The following FAM221A variants were observed in gnomAD, a reference collection of about 807,000 sequenced individuals.
FAM221A encodes family with sequence similarity 221 member A.
In FAM221A, 43 loss-of-function variants were observed where a neutral mutation model predicts 37.6. The observed-to-expected ratio is 1.15, with a 90% confidence interval of 0.90 to 1.48. The LOEUF (loss-of-function observed/expected upper bound fraction) is 1.48, where lower values mean the gene tolerates loss of function less well. Among genes scored for constraint, FAM221A ranks in the 40% most tolerant of loss-of-function variants. FAM221A has a pLI of 0.00. For missense variants in FAM221A, 361 were observed against 361.5 expected (o/e 1.00, Z 0.01); for synonymous variants, 135 against 132.9 (o/e 1.02, Z -0.11).
intron 2 of FAM221A, 91 bp downstream of exon 2, chr7:23,684,763 T>C (rs751577548): frequency 7.4e-5 from 88 of 1,184,384 alleles, no homozygotes; most frequent in Non-Finnish European, 1.0e-4. Flanking sequence ...TTGAGAAACA[T>C]TTAACAATTG....
At chr7:23,699,974 A>G (rs1219708184) in intron 5 of FAM221A, among the ~76,000 whole-genome samples, 1 of 152,170 alleles carries the variant, frequency 6.6e-6, no homozygotes, top group Admixed American at 6.5e-5. Context: ...CCAGGGATAG[A>G]CCCAGAGTTT....
intron 4 of FAM221A, 41 bp downstream of exon 4, chr7:23,691,637 T>C (rs1784759507): frequency 6.5e-7 from 1 of 1,536,760 alleles, no homozygotes; most frequent in Admixed American, 1.7e-5. Context: ...TTGTATTGTT[T>C]TTATGTGTGC....
intron 2 of FAM221A, chr7:23,686,364 A>C (rs966249027): frequency 2.6e-6 from 1 of 384,736 alleles, no homozygotes; most frequent in Admixed American, 3.0e-5. Context: ...CCTGGGCTCA[A>C]GCGATCCTTC....
chr7:23,702,032 G>T (rs974791290), intron 6 of FAM221A, 64 bp from the exon 7 acceptor site: 1 of 1,147,432 alleles, frequency 8.7e-7, no homozygotes, highest in Non-Finnish European at 1.2e-6. Context: ...TGAGTTTTCT[G>T]CAAGTTTTTT....
chr7:23,684,182 G>C (rs558262698), intron 1 of FAM221A, among the ~76,000 whole-genome samples: 63 of 152,234 alleles, frequency 4.1e-4, no homozygotes, highest in African/African-American at 1.5e-3. Flanking sequence ...AGTCCCAAAC[G>C]GGTCCTTTAA....
In FAM221A at chr7:23,700,782, T is replaced by C; in HGVS notation, c.746-4T>C. On this transcript the variant is annotated splice_polypyrimidine_tract_variant and splice_region_variant and intron_variant, in intron 5 of 6. Transcript: ENST00000344962. Reference sequence around the variant, plus strand: ...ACATTACTTAGATTTTTTTTCCTTGTTAGTAGGTACAAGTAGTCAAGTTTC... The same window carrying C: ...ACATTACTTAGATTTTTTTTCCTTGCTAGTAGGTACAAGTAGTCAAGTTTC... The C allele has an allele frequency of 6.4e-7, 1 of 1,571,332 alleles. No individual in the cohort carries two copies. Among genetic ancestry groups the C allele is most frequent in the Non-Finnish European group, 8.6e-7 (1 of 1,158,704 alleles).
chr7:23,680,212 A>C lies in FAM221A; in HGVS notation c.-7A>C. 1 of 1,548,980 alleles carries C rather than the reference A, an allele frequency of 6.5e-7. No homozygotes were observed. Among genetic ancestry groups the C allele is most frequent in the Non-Finnish European group, 8.7e-7 (1 of 1,145,702 alleles). On this transcript the variant is annotated 5_prime_UTR_variant, in exon 1 of 7. Coordinates refer to ENST00000344962, the MANE Select transcript of FAM221A (RefSeq NM_199136.5). ...CCGCAGGGAAGCCTTTGGCTTCCCC[A>C]CCGGCAATGGAGCGGTTGACGTTGC... is the stretch of plus-strand genomic sequence containing the variant.
At position 23,700,768 on chromosome 7, in the gene FAM221A, A is replaced by AT. The variant is rs759665815; in HGVS notation, c.746-10dup. On this transcript the variant is annotated splice_polypyrimidine_tract_variant and intron_variant, in intron 5 of 6. Coordinates refer to ENST00000344962, the MANE Select transcript of FAM221A (RefSeq NM_199136.5). ...GTAATGATATAAATACATTACTTAG[A>AT]TTTTTTTTCCTTGTTAGTAGGTACA... 71 of 1,498,542 alleles carry AT rather than the reference A, an allele frequency of 4.7e-5. No individual in the cohort carries two copies. Among genetic ancestry groups the AT allele is most frequent in the East Asian group, 2.5e-4 (11 of 43,860 alleles). 92.8% of individuals were successfully genotyped at this position (1,498,542 alleles called of 1,614,324 possible).
chr7:23,688,639 CTTT>C (rs748780946), intron 2 of FAM221A: 7 of 141,024 alleles, frequency 5.0e-5, no homozygotes, highest in African/African-American at 2.6e-5. Flanking sequence ...TTTTTCTTTT[CTTT>C]TTTTTTTTTT....
intron 3 of FAM221A, among the ~76,000 whole-genome samples, chr7:23,689,683 T>C (rs1319446180): frequency 6.6e-6 from 1 of 152,232 alleles, no homozygotes; most frequent in Admixed American, 6.5e-5. Flanking sequence ...GTATGCTTGA[T>C]AATCATAAAC....
At chr7:23,699,748 C>A (rs935137932) in intron 5 of FAM221A, among the ~76,000 whole-genome samples, 10 of 151,690 alleles carry the variant, frequency 6.6e-5, no homozygotes, top group Middle Eastern at 6.8e-3. Context: ...TGCCATGTTG[C>A]CCAGGCTGGT....
intron 2 of FAM221A, chr7:23,688,175 G>C (rs1202231381): frequency 6.6e-6 from 1 of 152,208 alleles, no homozygotes; most frequent in South Asian, 2.1e-4. Flanking sequence ...CTCCCAAGTA[G>C]CTGGGACTAC....
rs59949135 is a variant in FAM221A, at chr7:23,682,439, A to ATT, written c.66-2050_66-2049dup. Reference sequence around the variant, plus strand: ...TATTATTATTATTATTATTATTATTATTTTTTTTTTTAGATAGAGTCTTGC... The same window carrying ATT: ...TATTATTATTATTATTATTATTATTATTTTTTTTTTTTTAGATAGAGTCTTGC... On this transcript the variant is annotated intron_variant, in intron 1 of 6. Coordinates refer to ENST00000344962, the MANE Select transcript of FAM221A (RefSeq NM_199136.5). 2.7e-3 allele frequency among the ~76,000 whole-genome samples: 215 copies of ATT among 79,394 alleles called. 2 individuals carry two copies. The highest frequency in any genetic ancestry group is 6.8e-3 in the African/African-American group (164 of 24,290). The allele number at this position is 79,394 out of a possible 152,430, so 52.1% of individuals were successfully genotyped here. A position where few individuals can be genotyped will look rare whatever the true frequency, so the allele number is the denominator to read the frequency against.
At chr7:23,702,754 C>T (rs1785538151), downstream of FAM221A, 2 of 152,068 alleles carry the variant, frequency 1.3e-5, no homozygotes, top group Admixed American at 1.3e-4. Context: ...TATGACTGTA[C>T]TGGACACATC....
In FAM221A at chr7:23,699,528, C is replaced by T. The variant is rs559383525; in HGVS notation, c.745+1229C>T. On this transcript the variant is annotated intron_variant, in intron 5 of 6. Coordinates refer to ENST00000344962, the MANE Select transcript of FAM221A (RefSeq NM_199136.5). The stretch of plus-strand genomic sequence containing the variant: ...GACAGTTGCTTGTTTCTGATAGTCA[C>T]CTTTTCCTTTTTTTTTTTTTTTTTT... Among the ~76,000 whole-genome samples, 239 of 138,708 alleles carry T rather than the reference C, an allele frequency of 1.7e-3. 1 individual carries two copies. Among genetic ancestry groups the T allele is most frequent in the African/African-American group, 6.2e-3 (234 of 37,578 alleles). 91.0% of individuals were successfully genotyped at this position (138,708 alleles called of 152,430 possible).
In FAM221A at chr7:23,700,881, G is replaced by A. The variant is rs765206059; in HGVS notation, c.828+13G>A. ...ATACCAGGAAAGGGTAGGTTTTTGAGGAAATTCAGTTGCACTAAGCATTTA... is the reference window on the plus strand; with the variant it reads ...ATACCAGGAAAGGGTAGGTTTTTGAAGAAATTCAGTTGCACTAAGCATTTA... On this transcript the variant is annotated intron_variant, in intron 6 of 6. Coordinates refer to ENST00000344962, the MANE Select transcript of FAM221A (RefSeq NM_199136.5). The A allele has an allele frequency of 1.6e-5, 25 of 1,573,658 alleles. No homozygotes were observed. The highest frequency in any genetic ancestry group is 3.4e-4 in the Middle Eastern group (2 of 5,966).
intron 1 of FAM221A, among the ~76,000 whole-genome samples, chr7:23,682,847 G>A (rs115640126): frequency 0.011 from 1,682 of 152,192 alleles, 30 homozygotes; most frequent in African/African-American, 0.038. Context: ...TTAAAGATCC[G>A]TATTTATCTT....
chr7:23,701,711 A>G (rs1360001948), intron 6 of FAM221A, among the ~76,000 whole-genome samples: 1 of 152,186 alleles, frequency 6.6e-6, no homozygotes, highest in Non-Finnish European at 1.5e-5. Flanking sequence ...TATAGAAACC[A>G]GAATTATAGA....
At chr7:23,690,669 T>C (rs1584267615) in intron 3 of FAM221A, among the ~76,000 whole-genome samples, 4 of 152,296 alleles carry the variant, frequency 2.6e-5, no homozygotes, top group Admixed American at 2.6e-4. Flanking sequence ...TTTAATGATT[T>C]TTAATATATA....
Sources: allele counts gnomAD v4.1 joint callset (sites outside exome capture counted in the v4.1 genomes callset), GRCh38; gene constraint gnomAD v4.1.1; transcripts MANE v1.5; gene names NCBI Gene and HGNC (gene_info 2026-07-23, HGNC 2026-07-21).